The following DHRSX variants were observed in gnomAD, a reference collection of about 807,000 sequenced individuals.
The protein encoded by DHRSX is dehydrogenase/reductase X-linked.
DHRSX carries 31 observed loss-of-function variants against 34.0 expected under a neutral mutation model. The ratio of observed to expected loss-of-function variants is 0.91; its 90% CI spans 0.69 to 1.23. The LOEUF (loss-of-function observed/expected upper bound fraction) is 1.23, where lower values mean the gene tolerates loss of function less well. Ranked by LOEUF, DHRSX falls within the 50% of genes most tolerant of loss-of-function variation. The pLI is 0.00. For missense variants in DHRSX, 414 were observed against 428.1 expected (o/e 0.97, Z 0.29); for synonymous variants, 201 against 183.8 (o/e 1.09, Z -0.76).
intron 2 of DHRSX, among the ~76,000 whole-genome samples, chrX:2,411,449 G>A (rs1027200591): frequency 8.6e-5 from 13 of 151,394 alleles, no homozygotes; most frequent in East Asian, 3.9e-4. Flanking sequence ...CTAGGGAAGC[G>A]GAGGCAGGAG....
At chrX:2,252,098 C>T (rs1235203820) in intron 5 of DHRSX, among the ~76,000 whole-genome samples, 1 of 151,890 alleles carries the variant, frequency 6.6e-6, no homozygotes, top group Non-Finnish European at 1.5e-5. Context: ...ATTAGCAGGG[C>T]GTGGTGGCAG....
chrX:2,273,021 C>T (rs930889667), intron 4 of DHRSX, among the ~76,000 whole-genome samples: 1 of 152,138 alleles, frequency 6.6e-6, no homozygotes, highest in Non-Finnish European at 1.5e-5. Context: ...GCCTGTCATC[C>T]CAGCACTTTG....
intron 1 of DHRSX, among the ~76,000 whole-genome samples, chrX:2,437,687 G>A (rs1293962823): frequency 7.5e-5 from 5 of 66,328 alleles, no homozygotes; most frequent in Non-Finnish European, 1.1e-4. Context: ...GAGAGAGAGA[G>A]AGAGAGAGAG....
At chrX:2,370,877 T>C (rs1215378399) in intron 3 of DHRSX, among the ~76,000 whole-genome samples, 1 of 152,144 alleles carries the variant, frequency 6.6e-6, no homozygotes, top group Non-Finnish European at 1.5e-5. Context: ...AAATTAGCTA[T>C]GCAGCCACAG....
chrX:2,487,357 T>C lies in DHRSX; in HGVS notation c.109+13460A>G, dbSNP rs1476285752. On this transcript the variant is annotated intron_variant, in intron 1 of 6. Transcript: ENST00000334651. ...ACCGAAGACATAACCTCCGGACCCG[T>C]GAGCCACCCACTTTTGTTTTGTTTT... 4.7e-5 allele frequency: 7 copies of C among 148,306 alleles called. 1 individual carries two copies. The highest frequency in any genetic ancestry group is 6.7e-5 in the Admixed American group (1 of 14,946). The allele number at this position is 148,306 out of a possible 1,614,324, so 9.2% of individuals were successfully genotyped here.
At chrX:2,292,204 C>T (rs947040725) in intron 3 of DHRSX, among the ~76,000 whole-genome samples, 1 of 152,190 alleles carries the variant, frequency 6.6e-6, no homozygotes, top group African/African-American at 2.4e-5. Flanking sequence ...GTGAGAGCGC[C>T]TTGGGGCCAG....
intron 3 of DHRSX, among the ~76,000 whole-genome samples, chrX:2,380,706 C>G (rs2043192913): frequency 6.6e-6 from 1 of 152,052 alleles, no homozygotes; most frequent in African/African-American, 2.4e-5. Context: ...GTGTGGCATT[C>G]CCCCCTTGCT....
intron 2 of DHRSX, among the ~76,000 whole-genome samples, chrX:2,422,407 C>T (rs1043385427): frequency 1.3e-5 from 2 of 152,106 alleles, no homozygotes; most frequent in African/African-American, 4.8e-5. Flanking sequence ...GGATTACAGG[C>T]ATACGCCACC....
chrX:2,350,710 T>C (rs113325933), intron 3 of DHRSX, among the ~76,000 whole-genome samples: 8,197 of 152,218 alleles, frequency 0.054, 672 homozygotes, highest in African/African-American at 0.17. Context: ...GTATTATACA[T>C]GTAACACTTT....
chrX:2,294,072 AAGAG>A (rs1487318250), intron 3 of DHRSX, among the ~76,000 whole-genome samples: 2 of 118,922 alleles, frequency 1.7e-5, no homozygotes, highest in African/African-American at 6.5e-5. Flanking sequence ...GAGAGAGAGA[AAGAG>A]AGAAAGAAAG....
At chrX:2,412,049 T>G (rs146191649) in intron 2 of DHRSX, among the ~76,000 whole-genome samples, 175 of 152,318 alleles carry the variant, frequency 1.1e-3, no homozygotes, top group African/African-American at 4.1e-3. Context: ...TGGAGGGAGC[T>G]GCTTTAAGGA....
At chrX:2,408,365 C>T (rs1010626996) in intron 3 of DHRSX, among the ~76,000 whole-genome samples, 11 of 152,160 alleles carry the variant, frequency 7.2e-5, no homozygotes, top group South Asian at 2.1e-4. Flanking sequence ...CGAGCCACTG[C>T]GCCCGGCCTG....
intron 3 of DHRSX, among the ~76,000 whole-genome samples, chrX:2,382,205 G>T (rs1330095163): frequency 6.6e-6 from 1 of 152,072 alleles, no homozygotes; most frequent in Non-Finnish European, 1.5e-5. Flanking sequence ...TGAGCCAAGG[G>T]AGCTGACAGC....
At chrX:2,263,321 A>G (rs2041389193) in intron 5 of DHRSX, among the ~76,000 whole-genome samples, 1 of 152,064 alleles carries the variant, frequency 6.6e-6, no homozygotes, top group Admixed American at 6.6e-5. Flanking sequence ...GTGCCTTTAT[A>G]AAGGGGACCC....
intron 1 of DHRSX, among the ~76,000 whole-genome samples, chrX:2,477,942 C>T (rs2124038684): frequency 6.6e-6 from 1 of 152,274 alleles, no homozygotes; most frequent in African/African-American, 2.4e-5. Flanking sequence ...AGACCACCTT[C>T]TAAGGTTTCT....
intron 3 of DHRSX, among the ~76,000 whole-genome samples, chrX:2,407,978 T>A (rs1272870994): frequency 6.6e-6 from 1 of 152,022 alleles, no homozygotes; most frequent in Non-Finnish European, 1.5e-5. Context: ...GCATTGAGAA[T>A]CTAGATGGAT....
intron 6 of DHRSX, among the ~76,000 whole-genome samples, chrX:2,237,421 T>A (rs1466367074): frequency 6.6e-6 from 1 of 152,038 alleles, no homozygotes; most frequent in Non-Finnish European, 1.5e-5. Flanking sequence ...GCAGGCCTGA[T>A]CACATGATTT....
At chrX:2,454,495 C>G (rs1343028611) in intron 1 of DHRSX, among the ~76,000 whole-genome samples, 1 of 149,792 alleles carries the variant, frequency 6.7e-6, no homozygotes, top group Admixed American at 6.7e-5. Context: ...CTATTGCACT[C>G]CGGCCTGGGC....
At chrX:2,255,582 G>A (rs755088141) in intron 5 of DHRSX, among the ~76,000 whole-genome samples, 3 of 152,118 alleles carry the variant, frequency 2.0e-5, no homozygotes, top group Admixed American at 1.3e-4. Flanking sequence ...ACTGAGGGAC[G>A]TCAGAGTGAA....
Sources: gnomAD v4.1 joint callset for allele counts (sites outside exome capture counted in the v4.1 genomes callset) on GRCh38, gnomAD v4.1.1 for gene constraint, MANE v1.5 for transcripts, NCBI Gene and HGNC (gene_info 2026-07-23, HGNC 2026-07-21) for gene names.